Variants in DDAH1 observed in about 807,000 individuals in gnomAD.
The protein encoded by DDAH1 is dimethylarginine dimethylaminohydrolase 1, also known as N(G),N(G)-dimethylarginine dimethylaminohydrolase 1.
DDAH1 carries 19 observed loss-of-function variants against 28.8 expected under a neutral mutation model. The observed-to-expected ratio is 0.66, with a 90% CI of 0.46 to 0.97. DDAH1 has a LOEUF of 0.97. Ranked by LOEUF, DDAH1 falls within the 50% of genes least tolerant of loss-of-function variation. The probability of loss-of-function intolerance (pLI) is 0.00; values close to 1 mark genes in which losing one functional copy is unlikely to be tolerated. For synonymous variants in DDAH1, 153 were observed against 154.4 expected (o/e 0.99, Z 0.07); for missense variants, 326 against 375.9 (o/e 0.87, Z 1.10).
chr1:85,456,636 G>A (rs187658445), intron 1 of DDAH1, among the ~76,000 whole-genome samples: 13 of 152,250 alleles, frequency 8.5e-5, no homozygotes, highest in African/African-American at 2.4e-4. Context: ...TACAACGTGC[G>A]GTAGGTTACA....
upstream of DDAH1, chr1:85,465,305 C>T (rs111532727): frequency 4.4e-5 from 35 of 795,398 alleles, no homozygotes; most frequent in African/African-American, 5.6e-4. Context: ...GTTGTAGCGG[C>T]GAGCGCCGGG....
intron 1 of DDAH1, among the ~76,000 whole-genome samples, chr1:85,451,241 T>C (rs1056252770): frequency 6.6e-6 from 1 of 152,070 alleles, no homozygotes; most frequent in African/African-American, 2.4e-5. Context: ...CACAGCCCAA[T>C]GGATGGAGGT....
At chr1:85,507,013 A>T (rs368280192) in intron 1 of DDAH1, among the ~76,000 whole-genome samples, 10 of 152,362 alleles carry the variant, frequency 6.6e-5, no homozygotes, top group East Asian at 5.8e-4. Context: ...AACATGAAAC[A>T]TCTAGAAAAT....
intron 1 of DDAH1, among the ~76,000 whole-genome samples, chr1:85,531,544 T>A (rs1301654402): frequency 1.3e-5 from 2 of 151,994 alleles, no homozygotes; most frequent in African/African-American, 4.8e-5. Context: ...CTGCACTGTG[T>A]CTTAACATTT....
intron 1 of DDAH1, among the ~76,000 whole-genome samples, chr1:85,443,539 A>C (rs1654297444): frequency 6.6e-6 from 1 of 152,210 alleles, no homozygotes; most frequent in Non-Finnish European, 1.5e-5. Context: ...TGAACTTTAA[A>C]GTAGTTTTTT....
intron 2 of DDAH1, among the ~76,000 whole-genome samples, chr1:85,479,758 C>G (rs1655941776): frequency 6.6e-6 from 1 of 152,158 alleles, no homozygotes. Context: ...TTTGCTGGGC[C>G]TTGTCTTGAT....
chr1:85,527,873 T>A (rs1368530353), intron 1 of DDAH1, among the ~76,000 whole-genome samples: 2 of 152,212 alleles, frequency 1.3e-5, no homozygotes, highest in Non-Finnish European at 2.9e-5. Flanking sequence ...TTGAAGTTTT[T>A]AAAAATTCTA....
At chr1:85,537,311 G>A (rs1355725863) in intron 1 of DDAH1, among the ~76,000 whole-genome samples, 1 of 151,628 alleles carries the variant, frequency 6.6e-6, no homozygotes, top group East Asian at 1.9e-4. Context: ...TCCAGCCTAG[G>A]TGACAGAGTG....
At chr1:85,462,554 A>C (rs1241320) in intron 1 of DDAH1, among the ~76,000 whole-genome samples, 104,653 of 152,078 alleles carry the variant, frequency 0.69, 36,197 homozygotes, top group East Asian at 0.81. Context: ...ACAGCAATCC[A>C]TAGAGGGTCT....
intron 2 of DDAH1, among the ~76,000 whole-genome samples, chr1:85,471,752 C>G (rs562788307): frequency 6.6e-6 from 1 of 152,310 alleles, no homozygotes; most frequent in Non-Finnish European, 1.5e-5. Flanking sequence ...ACATAAAGTG[C>G]CCACGACAGT....
chr1:85,418,473 T>C (rs928614767), intron 1 of DDAH1, among the ~76,000 whole-genome samples: 2 of 152,218 alleles, frequency 1.3e-5, no homozygotes, highest in African/African-American at 4.8e-5. Context: ...TAAAAGACCA[T>C]GAATTTGGTC....
At chr1:85,404,326 C>G in intron 1 of DDAH1, 1 of 1,516,926 alleles carries the variant, frequency 6.6e-7, no homozygotes, top group South Asian at 1.2e-5. Context: ...TTGCAGTTGA[C>G]AAAGCCTGAA....
chr1:85,556,099 C>T (rs1658957663), intron 1 of DDAH1, among the ~76,000 whole-genome samples: 1 of 151,890 alleles, frequency 6.6e-6, no homozygotes, highest in African/African-American at 2.4e-5. Flanking sequence ...CCTCCTTCTC[C>T]TCCTCCTTCT....
At chr1:85,455,533 T>C (rs1654847044) in intron 1 of DDAH1, among the ~76,000 whole-genome samples, 1 of 152,200 alleles carries the variant, frequency 6.6e-6, no homozygotes, top group Non-Finnish European at 1.5e-5. Context: ...GCATCAGGAA[T>C]AGAAACCAGC....
intron 1 of DDAH1, among the ~76,000 whole-genome samples, chr1:85,542,192 C>T (rs571059646): frequency 1.6e-4 from 24 of 152,266 alleles, no homozygotes; most frequent in African/African-American, 5.3e-4. Flanking sequence ...TGAACACTGT[C>T]TATAATACAA....
intron 4 of DDAH1, among the ~76,000 whole-genome samples, chr1:85,339,576 G>A (rs775801770): frequency 2.6e-5 from 4 of 152,148 alleles, no homozygotes; most frequent in Non-Finnish European, 5.9e-5. Flanking sequence ...TTTGCAGGAG[G>A]GTGGTAGAAA....
Position 85,571,519 on chromosome 1 carries a change from C to G in DDAH1, c.-123+6465G>C, listed in dbSNP as rs76236233. Among the ~76,000 whole-genome samples, 969 of 152,336 alleles carry G rather than the reference C, an allele frequency of 6.4e-3. 19 individuals are homozygous for G. The highest frequency in any genetic ancestry group is 0.051 in the East Asian group (262 of 5,182). On this transcript the variant is annotated intron_variant, in intron 1 of 6. Coordinates refer to the DDAH1 transcript ENST00000426972. Reference sequence around the variant, plus strand: ...GCTTTAATCCACAGTATTGTATTATCTGTTTAAGCATCTGCATCTCCCCTA... The same window carrying G: ...GCTTTAATCCACAGTATTGTATTATGTGTTTAAGCATCTGCATCTCCCCTA...
Position 85,320,138 on chromosome 1 carries a change from G to A in DDAH1, c.*1314C>T, listed in dbSNP as rs983472531. 6.6e-6 allele frequency: 1 copy of A among 152,408 alleles called. No homozygotes were observed. Among genetic ancestry groups the A allele is most frequent in the Non-Finnish European group, 1.5e-5 (1 of 68,040 alleles). 9.4% of individuals were successfully genotyped at this position (152,408 alleles called of 1,614,324 possible). A position where few individuals can be genotyped will look rare whatever the true frequency, so the allele number is the denominator to read the frequency against. On this transcript the variant is annotated 3_prime_UTR_variant, in exon 6 of 6. Coordinates refer to ENST00000284031, the MANE Select transcript of DDAH1 (RefSeq NM_012137.4). Reference sequence around the variant, plus strand: ...GCCTGTTAATAGGCTGATTCCTGCAGGTTTGAGTAAAGGAATCATCTCTTC... The same window carrying A: ...GCCTGTTAATAGGCTGATTCCTGCAAGTTTGAGTAAAGGAATCATCTCTTC...
At chr1:85,463,549 T>C (rs972307549) in intron 1 of DDAH1, among the ~76,000 whole-genome samples, 1 of 152,214 alleles carries the variant, frequency 6.6e-6, no homozygotes, top group Non-Finnish European at 1.5e-5. Context: ...TGTTACTCTT[T>C]TGGTTTTCTG....
Sources: allele counts gnomAD v4.1 joint callset (sites outside exome capture counted in the v4.1 genomes callset), GRCh38; gene constraint gnomAD v4.1.1; transcripts MANE v1.5; gene names NCBI Gene and HGNC (gene_info 2026-07-23, HGNC 2026-07-21).